Variants in SUMF1 observed in about 807,000 individuals in gnomAD.
SUMF1 encodes the protein formylglycine-generating enzyme.
In SUMF1, 48 loss-of-function variants were observed where a neutral mutation model predicts 47.6. That is an observed-to-expected ratio of 1.01 (90% CI 0.80 to 1.28). SUMF1 has a LOEUF of 1.28. Ranked by LOEUF, SUMF1 falls within the 50% of genes most tolerant of loss-of-function variation. SUMF1 has a pLI of 0.00. For missense variants in SUMF1, 571 were observed against 485.4 expected (o/e 1.18, Z -1.66); for synonymous variants, 230 against 192.1 (o/e 1.20, Z -1.63).
At chr3:4,112,702 T>C (rs371470788) in intron 8 of SUMF1, among the ~76,000 whole-genome samples, 14 of 152,080 alleles carry the variant, frequency 9.2e-5, no homozygotes, top group African/African-American at 3.4e-4. Context: ...AAATGGTTAA[T>C]GAGGCTATAA....
At chr3:4,187,395 G>A (rs1197307081) in intron 8 of SUMF1, among the ~76,000 whole-genome samples, 3 of 151,992 alleles carry the variant, frequency 2.0e-5, no homozygotes, top group African/African-American at 7.2e-5. Flanking sequence ...TTAGAGACAA[G>A]GTCTTGTGTA....
chr3:4,192,447 GTTTATATTTTTA>G (rs1385436720), intron 8 of SUMF1, among the ~76,000 whole-genome samples: 1 of 151,564 alleles, frequency 6.6e-6, no homozygotes, highest in African/African-American at 2.4e-5. Flanking sequence ...AACATATAAT[GTTTATATTTTTA>G]TTTATATATA....
chr3:4,095,923 T>C (rs968565055), intron 8 of SUMF1, among the ~76,000 whole-genome samples: 1 of 151,956 alleles, frequency 6.6e-6, no homozygotes, highest in African/African-American at 2.4e-5. Flanking sequence ...TACAGACACA[T>C]TTTTTTTCTA....
chr3:4,274,640 A>G (rs965173790), intron 8 of SUMF1, among the ~76,000 whole-genome samples: 27 of 152,200 alleles, frequency 1.8e-4, no homozygotes, highest in Admixed American at 1.4e-3. Context: ...GAATAGGGAT[A>G]GGTTTTCCCC....
chr3:4,222,791 G>C (rs36035342), intron 8 of SUMF1, among the ~76,000 whole-genome samples: 56,387 of 151,916 alleles, frequency 0.37, 11,074 homozygotes, highest in Non-Finnish European at 0.45. Context: ...AGTCATTGCC[G>C]CTGGGTGAGG....
intron 3 of SUMF1, among the ~76,000 whole-genome samples, chr3:4,448,070 GA>G (rs1702843118): frequency 6.6e-6 from 1 of 151,964 alleles, no homozygotes; most frequent in Non-Finnish European, 1.5e-5. Context: ...GGGAATATCA[GA>G]TTACATATTA....
intron 3 of SUMF1, among the ~76,000 whole-genome samples, chr3:4,439,009 AC>A (rs1559300284): frequency 6.6e-6 from 1 of 152,216 alleles, no homozygotes. Context: ...AAATAGCTGC[AC>A]GCTAAAAAGT....
intron 8 of SUMF1, among the ~76,000 whole-genome samples, chr3:4,214,248 A>T (rs1310897871): frequency 6.6e-6 from 1 of 152,228 alleles, no homozygotes; most frequent in African/African-American, 2.4e-5. Context: ...ACTCAGGATT[A>T]AGAAACTCAC....
chr3:4,191,948 T>A (rs1695324178), intron 8 of SUMF1, among the ~76,000 whole-genome samples: 2 of 152,004 alleles, frequency 1.3e-5, no homozygotes, highest in Non-Finnish European at 1.5e-5. Context: ...GTGAGAAGAG[T>A]GTTATTTTAA....
intron 8 of SUMF1, among the ~76,000 whole-genome samples, chr3:4,255,799 C>G (rs1696938236): frequency 2.9e-5 from 3 of 104,112 alleles, no homozygotes; most frequent in Non-Finnish European, 5.8e-5. Flanking sequence ...CACCCCAAAT[C>G]AACAGAATAT....
At chr3:4,376,720 A>G (rs1316646621) in intron 7 of SUMF1, among the ~76,000 whole-genome samples, 1 of 152,196 alleles carries the variant, frequency 6.6e-6, no homozygotes, top group Non-Finnish European at 1.5e-5. Flanking sequence ...CCATGTCATG[A>G]TGCAAATTTA....
intron 8 of SUMF1, among the ~76,000 whole-genome samples, chr3:4,132,661 C>G (rs961340217): frequency 6.6e-6 from 1 of 152,018 alleles, no homozygotes; most frequent in Non-Finnish European, 1.5e-5. Flanking sequence ...ACGCTGCCAC[C>G]AGGAGACACG....
chr3:4,179,335 G>T (rs997644698), intron 8 of SUMF1, among the ~76,000 whole-genome samples: 8 of 152,106 alleles, frequency 5.3e-5, no homozygotes, highest in African/African-American at 1.9e-4. Flanking sequence ...TACCAAAACA[G>T]AGATATAGGC....
chr3:4,228,861 T>C (rs113687158), intron 8 of SUMF1, among the ~76,000 whole-genome samples: 12 of 152,070 alleles, frequency 7.9e-5, no homozygotes, highest in Admixed American at 6.6e-5. Context: ...AGCCCCTCCA[T>C]CCTTTGTCTC....
At chr3:4,429,862 C>T (rs1322356342) in intron 3 of SUMF1, among the ~76,000 whole-genome samples, 1 of 152,146 alleles carries the variant, frequency 6.6e-6, no homozygotes, top group Non-Finnish European at 1.5e-5. Flanking sequence ...CTCATCTCAC[C>T]GGGCAGCAGA....
chr3:4,159,199 T>TG, intron 8 of SUMF1, among the ~76,000 whole-genome samples: 1 of 151,438 alleles, frequency 6.6e-6, no homozygotes. Flanking sequence ...GTTTGCTGGT[T>TG]GTTTTGCAGT....
chr3:4,194,264 G>A (rs1559554203), intron 8 of SUMF1, among the ~76,000 whole-genome samples: 1 of 152,122 alleles, frequency 6.6e-6, no homozygotes, highest in Non-Finnish European at 1.5e-5. Context: ...GAATGCAAGT[G>A]TATACTACAC....
intron 8 of SUMF1, among the ~76,000 whole-genome samples, chr3:4,085,303 C>T (rs745344555): frequency 1.1e-4 from 17 of 152,020 alleles, no homozygotes; most frequent in African/African-American, 2.2e-4. Context: ...TCCAAGATGA[C>T]GCCTTCTAAG....
At chr3:4,422,718 A>G (rs537773185) in intron 3 of SUMF1, among the ~76,000 whole-genome samples, 2 of 152,226 alleles carry the variant, frequency 1.3e-5, no homozygotes, top group African/African-American at 4.8e-5. Flanking sequence ...AGGCAAACAC[A>G]AGCCTTAAAC....
Sources: gnomAD v4.1 joint callset for allele counts (sites outside exome capture counted in the v4.1 genomes callset) on GRCh38, gnomAD v4.1.1 for gene constraint, MANE v1.5 for transcripts, NCBI Gene and HGNC (gene_info 2026-07-23, HGNC 2026-07-21) for gene names.